MAEA: variants seen among roughly 807,000 people sequenced by gnomAD.
MAEA encodes macrophage erythroblast attacher, E3 ubiquitin ligase.
Under a neutral mutation model 46.2 loss-of-function variants are expected in MAEA, and 22 were observed. The ratio of observed to expected loss-of-function variants is 0.48; its 90% CI spans 0.34 to 0.68. The LOEUF is 0.68. Ranked by LOEUF, MAEA falls within the 30% of genes least tolerant of loss-of-function variation. MAEA has a pLI of 0.01. For missense variants in MAEA, 393 were observed against 558.1 expected (o/e 0.70, Z 2.98); for synonymous variants, 246 against 222.6 (o/e 1.11, Z -0.94).
intron 3 of MAEA, among the ~76,000 whole-genome samples, chr4:1,317,770 T>C (rs1208474226): frequency 6.6e-6 from 1 of 152,212 alleles, no homozygotes; most frequent in African/African-American, 2.4e-5. Context: ...GATGGCAAAG[T>C]GCACTGATCC....
intron 1 of MAEA, chr4:1,298,237 T>A (rs1028957554): frequency 1.1e-5 from 4 of 374,532 alleles, no homozygotes; most frequent in Admixed American, 9.2e-5. Flanking sequence ...TCCTTTCTTT[T>A]ACTGGAGATA....
chr4:1,329,980 T>C (rs1381482084), intron 5 of MAEA: 2 of 985,210 alleles, frequency 2.0e-6, no homozygotes, highest in Non-Finnish European at 2.4e-6. Flanking sequence ...CAGCCTAGCC[T>C]CTGGGTCCAC....
chr4:1,325,033 C>A (rs1184020762), intron 4 of MAEA, among the ~76,000 whole-genome samples: 1 of 152,208 alleles, frequency 6.6e-6, no homozygotes, highest in East Asian at 1.9e-4. Context: ...CCAAATGACA[C>A]GAAAACATGC....
intron 1 of MAEA, among the ~76,000 whole-genome samples, chr4:1,306,707 A>C (rs1039400836): frequency 6.6e-6 from 1 of 152,206 alleles, no homozygotes; most frequent in Non-Finnish European, 1.5e-5. Flanking sequence ...GATAAGGTTC[A>C]GAGGATGGAT....
chr4:1,322,288 C>G (rs1299169950), intron 3 of MAEA, 93 bp from the exon 4 acceptor site: 8 of 1,545,336 alleles, frequency 5.2e-6, no homozygotes, highest in Non-Finnish European at 7.0e-6. Flanking sequence ...GTGGCCGGTG[C>G]TGGGCCTGCC....
At chr4:1,297,284 GC>G (rs758445049) in intron 1 of MAEA, among the ~76,000 whole-genome samples, 1 of 152,208 alleles carries the variant, frequency 6.6e-6, no homozygotes, top group Non-Finnish European at 1.5e-5. Context: ...GGCTGCTGGG[GC>G]TGCGGCCTTC....
intron 5 of MAEA, chr4:1,330,275 C>A: frequency 3.2e-6 from 1 of 316,448 alleles, no homozygotes; most frequent in Non-Finnish European, 4.5e-6. Context: ...CTCAGCCTGG[C>A]CAGGCACAGT....
chr4:1,303,924 G>A (rs1577147290), intron 1 of MAEA, among the ~76,000 whole-genome samples: 1 of 141,044 alleles, frequency 7.1e-6, no homozygotes, highest in Non-Finnish European at 1.5e-5. Flanking sequence ...GGGCAGGGCA[G>A]GGGGGTCCGG....
At chr4:1,333,300 C>A (rs1394253907) in intron 6 of MAEA, among the ~76,000 whole-genome samples, 1 of 151,728 alleles carries the variant, frequency 6.6e-6, no homozygotes, top group African/African-American at 2.4e-5. Flanking sequence ...AAGATTGTGC[C>A]ACTGCACTCC....
chr4:1,315,041 T>G (rs1292085844), intron 2 of MAEA, among the ~76,000 whole-genome samples: 1 of 152,178 alleles, frequency 6.6e-6, no homozygotes, highest in Non-Finnish European at 1.5e-5. Flanking sequence ...AGAAAAAAAG[T>G]ATTGCAAAAG....
chr4:1,303,156 G>C (rs1030359422), intron 1 of MAEA, among the ~76,000 whole-genome samples: 1 of 150,328 alleles, frequency 6.7e-6, no homozygotes, highest in Admixed American at 6.6e-5. Context: ...TGGGAGGCTG[G>C]GGCGGGTGGA....
At chr4:1,334,941 G>A in intron 6 of MAEA, 1 of 985,362 alleles carries the variant, frequency 1.0e-6, no homozygotes, top group African/African-American at 1.7e-5. Context: ...GGAGTTAAGT[G>A]TGGTGTTTAC....
rs370792359 is a variant in MAEA, at chr4:1,339,114, C to T, written c.1136C>T (p.Pro379Leu). The change falls in exon 9 of 9, where the codon CCG becomes CTG. Residue 379 changes from proline to leucine, a missense_variant. This residue lies in a region of MAEA where 358 missense variants were observed against 537.9 expected (regional missense o/e 0.67). Coordinates refer to ENST00000303400, the MANE Select transcript of MAEA (RefSeq NM_001017405.3). ...SIRQDDKVVCPRTKEVFHFSQ... is the reference protein window; with the variant it reads ...SIRQDDKVVCLRTKEVFHFSQ... ...CGTCAAGATGATAAAGTCGTGTGCC[C>T]GAGAACCAAAGAAGTCTTCCACTTC... The T allele has an allele frequency of 2.0e-5, 32 of 1,613,838 alleles. No homozygotes were observed. The highest frequency in any genetic ancestry group is 4.5e-5 in the East Asian group (2 of 44,886).
At chr4:1,322,650 G>T in intron 4 of MAEA, 147 bp downstream of exon 4, 1 of 1,040,476 alleles carries the variant, frequency 9.6e-7, no homozygotes. Flanking sequence ...TTTTTTTGGT[G>T]GCTGTGTTAC....
chr4:1,312,427 T>A, intron 2 of MAEA: 1 of 331,784 alleles, frequency 3.0e-6, no homozygotes, highest in Non-Finnish European at 5.5e-6. Flanking sequence ...TGATTGATTT[T>A]TTTTTTTTTT....
At chr4:1,337,729 C>T (rs1560396149) in intron 7 of MAEA, 1 of 175,888 alleles carries the variant, frequency 5.7e-6, no homozygotes, top group Non-Finnish European at 1.2e-5. Flanking sequence ...CTGCCCCTGC[C>T]CTGTGACTGT....
intron 4 of MAEA, among the ~76,000 whole-genome samples, chr4:1,326,649 T>A (rs1738863217): frequency 6.7e-6 from 1 of 150,030 alleles, no homozygotes; most frequent in Non-Finnish European, 1.5e-5. Context: ...TCAGGCATAG[T>A]GCCTTCAGCC....
chr4:1,335,175 CT>C (rs1560391717), intron 6 of MAEA: 1 of 985,354 alleles, frequency 1.0e-6, no homozygotes, highest in African/African-American at 1.7e-5. Context: ...ATTTTCTGTT[CT>C]GTGATGCTTT....
chr4:1,307,636 G>C (rs955316111), intron 1 of MAEA, among the ~76,000 whole-genome samples: 6 of 152,218 alleles, frequency 3.9e-5, no homozygotes, highest in Non-Finnish European at 7.3e-5. Context: ...TCCCGCAGCA[G>C]ACCTGCACCC....
Sources: allele counts gnomAD v4.1 joint callset (sites outside exome capture counted in the v4.1 genomes callset), GRCh38; gene constraint gnomAD v4.1.1; regional missense constraint gnomAD v4.1.1; transcripts MANE v1.5; gene names NCBI Gene and HGNC (gene_info 2026-07-23, HGNC 2026-07-21).